C1GALT1: variants seen among roughly 807,000 people sequenced by gnomAD.
C1GALT1 encodes the protein glycoprotein-N-acetylgalactosamine 3-beta-galactosyltransferase 1.
C1GALT1 carries 11 observed loss-of-function variants against 31.0 expected under a neutral mutation model. That is an observed-to-expected ratio of 0.36 (90% CI 0.22 to 0.59). C1GALT1 has a LOEUF of 0.59. Among genes scored for constraint, C1GALT1 ranks in the 20% least tolerant of loss-of-function variants. C1GALT1 has a pLI of 0.79. For missense variants in C1GALT1, 424 were observed against 425.2 expected (o/e 1.00, Z 0.03); for synonymous variants, 175 against 143.6 (o/e 1.22, Z -1.56).
intron 2 of C1GALT1, among the ~76,000 whole-genome samples, chr7:7,237,747 C>T (rs903069367): frequency 6.6e-6 from 1 of 152,178 alleles, no homozygotes; most frequent in Non-Finnish European, 1.5e-5. Context: ...TGAACTGCCA[C>T]TTCAGCAGCA....
chr7:7,214,074 A>T (rs1462920264), intron 1 of C1GALT1, among the ~76,000 whole-genome samples: 5 of 152,140 alleles, frequency 3.3e-5, no homozygotes, highest in Non-Finnish European at 5.9e-5. Flanking sequence ...ACTATTAGCC[A>T]TCCCTACAGT....
chr7:7,238,711 C>T lies in C1GALT1; in HGVS notation c.677C>T (p.Ala226Val), dbSNP rs752687285. Residue 226 changes from alanine (A) to valine (V), a missense_variant, in exon 3 of 4, where the codon GCA (alanine) becomes GTA (valine). Around this residue, in one of 3 missense-constraint regions of C1GALT1, gnomAD observed 191 missense variants for 188.8 expected, o/e 1.01. Transcript: ENST00000436587. This position sits in a 1 kb window ranked among gnomAD's most constrained non-coding sequence, Gnocchi z 5.2. ...SKEALKRFVD[A>V]FKTDKCTHSS... ...GAAGCCTTGAAAAGATTTGTTGATGCATTTAAAACAGACAAGTGTACACAT... is the reference window on the plus strand; with the variant it reads ...GAAGCCTTGAAAAGATTTGTTGATGTATTTAAAACAGACAAGTGTACACAT... 4 of 1,613,836 alleles carry T rather than the reference C, an allele frequency of 2.5e-6. No homozygotes were observed. The African/African-American group carries it at 4.0e-5, about 16-fold the overall frequency.
In C1GALT1 at chr7:7,192,733, A is replaced by G. The variant is rs556196593; in HGVS notation, c.-18+9913A>G. ...TGGTTCCTTAAGGAATCTCCACACC[A>G]TTTTCCATAGTGGTTATACTAGTTT... On this transcript the variant is annotated intron_variant, in intron 1 of 3. Coordinates refer to ENST00000436587, the MANE Select transcript of C1GALT1 (RefSeq NM_020156.5). Among the ~76,000 whole-genome samples the G allele has an allele frequency of 1.6e-3, 237 of 152,112 alleles. 2 individuals carry two copies. Among genetic ancestry groups the G allele is most frequent in the Middle Eastern group, 0.01 (3 of 294 alleles).
intron 2 of C1GALT1, among the ~76,000 whole-genome samples, chr7:7,157,856 T>G (rs1214985142): frequency 6.6e-6 from 1 of 152,198 alleles, no homozygotes; most frequent in Admixed American, 6.5e-5. Flanking sequence ...TCTTTTCCTT[T>G]AAAATCAGAC....
intron 1 of C1GALT1, among the ~76,000 whole-genome samples, chr7:7,226,281 T>C (rs11980424): frequency 0.031 from 4,758 of 152,156 alleles, 261 homozygotes; most frequent in African/African-American, 0.11. Context: ...AATACATAAA[T>C]GCAGCAAATG....
At chr7:7,235,503 G>C (rs764960039) in intron 2 of C1GALT1, among the ~76,000 whole-genome samples, 1 of 152,204 alleles carries the variant, frequency 6.6e-6, no homozygotes, top group Non-Finnish European at 1.5e-5. Flanking sequence ...TGTTCCTACA[G>C]AACAGTTTGG....
chr7:7,205,565 A>T (rs1172566603), intron 1 of C1GALT1, among the ~76,000 whole-genome samples: 1 of 152,200 alleles, frequency 6.6e-6, no homozygotes, highest in African/African-American at 2.4e-5. Context: ...GAAGATGCAC[A>T]TATAGATGGA....
intron 1 of C1GALT1, among the ~76,000 whole-genome samples, chr7:7,233,145 A>C (rs1046979966): frequency 1.3e-5 from 2 of 152,128 alleles, no homozygotes; most frequent in Non-Finnish European, 2.9e-5. Context: ...GTTTATGTCA[A>C]TGTTTGGTTG....
At chr7:7,182,876 C>G in intron 1 of C1GALT1, 56 bp downstream of exon 1, 1 of 981,708 alleles carries the variant, frequency 1.0e-6, no homozygotes, top group Non-Finnish European at 1.2e-6. Flanking sequence ...TCTCCCCTCG[C>G]CCTCCCCCCT....
At chr7:7,218,565 C>T (rs1036591585) in intron 1 of C1GALT1, among the ~76,000 whole-genome samples, 1 of 152,072 alleles carries the variant, frequency 6.6e-6, no homozygotes. Flanking sequence ...TGCTTTGCCC[C>T]CTCATTACAA....
chr7:7,184,341 G>T (rs923874723), intron 1 of C1GALT1, among the ~76,000 whole-genome samples: 1 of 152,082 alleles, frequency 6.6e-6, no homozygotes, highest in African/African-American at 2.4e-5. Flanking sequence ...AAATTTGCCT[G>T]GAATGTGTAT....
intron 1 of C1GALT1, among the ~76,000 whole-genome samples, chr7:7,202,707 G>T (rs1444635939): frequency 6.6e-6 from 1 of 152,042 alleles, no homozygotes; most frequent in African/African-American, 2.4e-5. Context: ...GCTATTCAGG[G>T]TCCCTTAATA....
rs1783770166 is a variant in C1GALT1, at chr7:7,244,580, C to G, written c.*853C>G. On this transcript the variant is annotated 3_prime_UTR_variant, in exon 4 of 4. Coordinates refer to ENST00000436587, the MANE Select transcript of C1GALT1 (RefSeq NM_020156.5). The stretch of plus-strand genomic sequence containing the variant: ...ACTAATAATAAATTTAATGCTGTTT[C>G]AGGATGCTTTTCTTATAACAGTGCC... The G allele has an allele frequency of 6.6e-6, 1 of 152,108 alleles. No homozygotes were observed. Among genetic ancestry groups the G allele is most frequent in the Admixed American group, 6.5e-5 (1 of 15,278 alleles). 9.4% of individuals were successfully genotyped at this position (152,108 alleles called of 1,614,324 possible). A position where few individuals can be genotyped will look rare whatever the true frequency, so the allele number is the denominator to read the frequency against.
chr7:7,240,739 C>T (rs1336016218), intron 3 of C1GALT1, among the ~76,000 whole-genome samples: 1 of 152,064 alleles, frequency 6.6e-6, no homozygotes, highest in Non-Finnish European at 1.5e-5. Context: ...CCAAAATTGA[C>T]CCATCAATCT....
upstream of C1GALT1, among the ~76,000 whole-genome samples, chr7:7,180,489 T>G (rs1365101463): frequency 6.6e-6 from 1 of 151,720 alleles, no homozygotes; most frequent in East Asian, 1.9e-4. Context: ...GTATGCAACT[T>G]TTAAAAATGA....
At chr7:7,163,554 T>C (rs1780361015) in intron 2 of C1GALT1, among the ~76,000 whole-genome samples, 1 of 152,170 alleles carries the variant, frequency 6.6e-6, no homozygotes, top group Non-Finnish European at 1.5e-5. Flanking sequence ...CATGATTGTA[T>C]ATCTAGAAAA....
intron 1 of C1GALT1, among the ~76,000 whole-genome samples, chr7:7,230,622 CTTTTTT>C (rs57276821): frequency 1.6e-5 from 2 of 121,526 alleles, no homozygotes; most frequent in African/African-American, 6.5e-5. Context: ...TCTATATTCC[CTTTTTT>C]TTTTTTTTTT....
intron 2 of C1GALT1, among the ~76,000 whole-genome samples, chr7:7,164,680 T>C (rs943860378): frequency 5.3e-5 from 8 of 151,994 alleles, no homozygotes; most frequent in African/African-American, 1.9e-4. Flanking sequence ...CCCTAAAGAG[T>C]ATCACAGGTC....
chr7:7,231,083 G>A (rs1783051903), intron 1 of C1GALT1, among the ~76,000 whole-genome samples: 1 of 152,006 alleles, frequency 6.6e-6, no homozygotes, highest in African/African-American at 2.4e-5. Context: ...TTGTTTTTCT[G>A]AACATGTTTT....
Sources: allele counts gnomAD v4.1 joint callset (sites outside exome capture counted in the v4.1 genomes callset), GRCh38; gene constraint gnomAD v4.1.1; regional missense constraint gnomAD v4.1.1; non-coding constraint Gnocchi (gnomAD v3.1); transcripts MANE v1.5; gene names NCBI Gene and HGNC (gene_info 2026-07-23, HGNC 2026-07-21).